BBX: variants seen among roughly 807,000 people sequenced by gnomAD.
BBX encodes the protein HMG box transcription factor BBX.
BBX carries 30 observed loss-of-function variants against 100.2 expected under a neutral mutation model. The ratio of observed to expected loss-of-function variants is 0.30; its 90% CI spans 0.22 to 0.41. The LOEUF is 0.41. Among genes scored for constraint, BBX ranks in the 10% least tolerant of loss-of-function variants. The pLI is 1.00. For missense variants in BBX, 1,023 were observed against 1,129.8 expected (o/e 0.91, Z 1.35); for synonymous variants, 376 against 388.1 (o/e 0.97, Z 0.37).
Position 107,638,791 on chromosome 3 carries a change from ACACACACAC to A in BBX, c.-83-7044_-83-7036del, listed in dbSNP as rs2057016513. ...AAAAAAAAAAAGTATACACACACAC[ACACACACAC>A]ACACACACACACACACACACACACA... On this transcript the variant is annotated intron_variant, in intron 2 of 17. Coordinates refer to ENST00000325805, the MANE Select transcript of BBX (RefSeq NM_001142568.3). Among the ~76,000 whole-genome samples the A allele has an allele frequency of 7.0e-4, 22 of 31,492 alleles. 2 individuals carry two copies. The highest frequency in any genetic ancestry group is 2.8e-3 in the African/African-American group (19 of 6,744). 20.7% of individuals were successfully genotyped at this position (31,492 alleles called of 152,430 possible). A position where few individuals can be genotyped will look rare whatever the true frequency, so the allele number is the denominator to read the frequency against.
rs150437555 is a variant in BBX, at chr3:107,778,502, C to T, written c.2186C>T (p.Pro729Leu). 51 of 1,612,930 alleles carry T rather than the reference C, an allele frequency of 3.2e-5. No individual in the cohort carries two copies. Among genetic ancestry groups the T allele is most frequent in the African/African-American group, 9.3e-5 (7 of 74,926 alleles). Residue 729 changes from proline to leucine, a missense_variant, in exon 13 of 18, where the codon CCG (proline) becomes CTG (leucine). By Grantham distance (98) the Pro-to-Leu change is moderately conservative. Transcript: ENST00000325805. ...KKKTGNVSSE[P>L]TKTSKGPFQS... is the part of the protein sequence containing the mutation. The stretch of plus-strand genomic sequence containing the variant: ...AAGACTGGAAATGTGTCCTCAGAAC[C>T]GACTAAAACCAGCAAAGGTTAGGTG...
intron 10 of BBX, among the ~76,000 whole-genome samples, chr3:107,756,481 C>G (rs2065486375): frequency 6.6e-6 from 1 of 151,888 alleles, no homozygotes; most frequent in Non-Finnish European, 1.5e-5. Context: ...TCAATGAGCT[C>G]CCTTTGAGTT....
chr3:107,524,019 G>C lies in BBX; in HGVS notation c.-156+912G>C, dbSNP rs1576153977. ...AGAGAGGGAGACAGAGAGAGAGGGA[G>C]AGAGAGAACGGGAGGGAAGAGAGGA... On this transcript the variant is annotated intron_variant, in intron 1 of 17. Transcript: ENST00000325805. The C allele has an allele frequency of 5.9e-5, 9 of 152,270 alleles. 2 individuals are homozygous for C. In the South Asian group the frequency reaches 1.9e-3, roughly 32 times the overall value. The allele number at this position is 152,270 out of a possible 1,614,324, so 9.4% of individuals were successfully genotyped here. A position where few individuals can be genotyped will look rare whatever the true frequency, so the allele number is the denominator to read the frequency against.
chr3:107,612,113 T>C (rs901163118), intron 2 of BBX, among the ~76,000 whole-genome samples: 3 of 152,198 alleles, frequency 2.0e-5, no homozygotes, highest in Non-Finnish European at 4.4e-5. Context: ...GATAGGATTC[T>C]GAATTTCTTC....
intron 2 of BBX, among the ~76,000 whole-genome samples, chr3:107,615,883 A>C (rs563737875): frequency 1.3e-5 from 2 of 152,288 alleles, no homozygotes; most frequent in East Asian, 1.9e-4. Context: ...GAATAAGACC[A>C]GATTAGGAGG....
At chr3:107,732,394 T>A (rs1411644389) in intron 6 of BBX, among the ~76,000 whole-genome samples, 1 of 152,170 alleles carries the variant, frequency 6.6e-6, no homozygotes, top group African/African-American at 2.4e-5. Flanking sequence ...CCCTAAGATT[T>A]AAAATGTCAA....
At chr3:107,770,294 C>T (rs1038738756) in intron 10 of BBX, among the ~76,000 whole-genome samples, 3 of 152,118 alleles carry the variant, frequency 2.0e-5, no homozygotes, top group African/African-American at 7.2e-5. Flanking sequence ...TAAAAACTAG[C>T]GCCGGTAAGG....
At chr3:107,661,003 G>T (rs1325971023) in intron 3 of BBX, among the ~76,000 whole-genome samples, 1 of 152,106 alleles carries the variant, frequency 6.6e-6, no homozygotes, top group African/African-American at 2.4e-5. Flanking sequence ...CAGCTGAAAT[G>T]TGTTGAATCA....
intron 2 of BBX, among the ~76,000 whole-genome samples, chr3:107,596,780 A>G (rs1004739720): frequency 2.0e-5 from 3 of 152,228 alleles, no homozygotes; most frequent in Non-Finnish European, 4.4e-5. Context: ...ATTTAAAATT[A>G]GAAAACAAAA....
At chr3:107,601,677 A>G (rs1191608693) in intron 2 of BBX, among the ~76,000 whole-genome samples, 2 of 152,238 alleles carry the variant, frequency 1.3e-5, no homozygotes, top group African/African-American at 4.8e-5. Context: ...CATGAGGTTT[A>G]AGGAAAGAAG....
Position 107,761,781 on chromosome 3 carries a change from G to A in BBX, c.906+6103G>A, listed in dbSNP as rs573342084. ...CCAAGTAAATAGTTGAGTTTAGGAA[G>A]CAGAGACCTGCATTCCTGAGAGCAC... On this transcript the variant is annotated intron_variant, in intron 10 of 17. Coordinates refer to ENST00000325805, the MANE Select transcript of BBX (RefSeq NM_001142568.3). Among the ~76,000 whole-genome samples the A allele has an allele frequency of 7.2e-5, 11 of 152,302 alleles. No individual in the cohort carries two copies. In the East Asian group the frequency reaches 2.1e-3, roughly 29 times the overall value.
chr3:107,548,139 T>C (rs1417039538), intron 2 of BBX, among the ~76,000 whole-genome samples: 1 of 152,202 alleles, frequency 6.6e-6, no homozygotes, highest in Non-Finnish European at 1.5e-5. Context: ...GAATGTCATT[T>C]GTACCACTTC....
At chr3:107,783,337 G>T (rs553720221) in intron 13 of BBX, among the ~76,000 whole-genome samples, 1 of 152,074 alleles carries the variant, frequency 6.6e-6, no homozygotes, top group East Asian at 1.9e-4. Context: ...AAAAATGTAA[G>T]TTTATATAAG....
intron 13 of BBX, among the ~76,000 whole-genome samples, chr3:107,786,771 A>T (rs1233047153): frequency 1.3e-5 from 2 of 152,214 alleles, no homozygotes; most frequent in Admixed American, 6.5e-5. Flanking sequence ...CCAAGCAACA[A>T]AAGACAAAAT....
At position 107,788,605 on chromosome 3, in the gene BBX, CA is replaced by C. The variant is rs113556653; in HGVS notation, c.2204-1171del. Among the ~76,000 whole-genome samples the C allele has an allele frequency of 1.4e-3, 198 of 143,184 alleles. 2 individuals are homozygous for C. Among genetic ancestry groups the C allele is most frequent in the East Asian group, 0.012 (61 of 4,952 alleles). 93.9% of individuals were successfully genotyped at this position (143,184 alleles called of 152,430 possible). The stretch of plus-strand genomic sequence containing the variant: ...GCAACATGGTGAAACCCCAACTTTA[CA>C]AAAAAAAAAATACAAAAAATTAGCC... On this transcript the variant is annotated intron_variant, in intron 13 of 17. Transcript: ENST00000325805.
intron 4 of BBX, among the ~76,000 whole-genome samples, chr3:107,711,936 A>G (rs1443258920): frequency 6.6e-6 from 1 of 151,894 alleles, no homozygotes; most frequent in Admixed American, 6.6e-5. Context: ...CAGTGGCACC[A>G]TTTCAGCTCA....
At chr3:107,710,411 C>G in intron 3 of BBX, 41 bp from the exon 4 acceptor site, 1 of 1,493,878 alleles carries the variant, frequency 6.7e-7, no homozygotes, top group Non-Finnish European at 9.1e-7. Flanking sequence ...CTCTCTTTCT[C>G]TCCCTGTTTC....
chr3:107,758,810 T>G (rs1463750007), intron 10 of BBX, among the ~76,000 whole-genome samples: 1 of 152,074 alleles, frequency 6.6e-6, no homozygotes, highest in Non-Finnish European at 1.5e-5. Context: ...CCTTGGGCAG[T>G]TAGTTATACC....
chr3:107,595,473 A>G (rs2107603868), intron 2 of BBX, among the ~76,000 whole-genome samples: 1 of 152,354 alleles, frequency 6.6e-6, no homozygotes, highest in Admixed American at 6.5e-5. Context: ...GAACTTGGAA[A>G]CTGAAGCTTC....
Sources: allele counts gnomAD v4.1 joint callset (sites outside exome capture counted in the v4.1 genomes callset), GRCh38; gene constraint gnomAD v4.1.1; transcripts MANE v1.5; gene names NCBI Gene and HGNC (gene_info 2026-07-23, HGNC 2026-07-21).